Variants in SCAF8 observed in about 807,000 individuals in gnomAD.
SCAF8 encodes the protein SR-related and CTD-associated factor 8.
A neutral mutation model predicts 140.5 loss-of-function variants in SCAF8; 23 were observed. The observed-to-expected ratio is 0.16, with a 90% CI of 0.12 to 0.23. SCAF8 has a LOEUF of 0.23. Among genes scored for constraint, SCAF8 ranks in the 10% least tolerant of loss-of-function variants. SCAF8 has a pLI of 1.00. For synonymous variants in SCAF8, 575 were observed against 528.9 expected, an observed-to-expected ratio of 1.09 and a Z score of -1.20; for missense variants, 1,397 against 1,555.7, an observed-to-expected ratio of 0.90 and a Z score of 1.72.
intron 12 of SCAF8, 29 bp from the exon 13 acceptor site, chr6:154,815,687 T>C: frequency 7.8e-7 from 1 of 1,279,650 alleles, no homozygotes; most frequent in Non-Finnish European, 1.1e-6. Flanking sequence ...CTAAATGATT[T>C]AGGTCATTTG....
chr6:154,741,805 T>C, intron 1 of SCAF8: 1 of 552,586 alleles, frequency 1.8e-6, no homozygotes, highest in Non-Finnish European at 3.3e-6. Context: ...TAAGGCCAGT[T>C]ACGCTGTTTT....
chr6:154,782,165 T>C (rs926831178), intron 3 of SCAF8, among the ~76,000 whole-genome samples: 1 of 152,146 alleles, frequency 6.6e-6, no homozygotes, highest in East Asian at 1.9e-4. Flanking sequence ...GCCTACAGTC[T>C]AGCAGTTTGG....
Position 154,808,671 on chromosome 6 carries a change from C to G in SCAF8, c.1114-15C>G. ...CCAGCCTTTCTGTTTGTTTGCTGTTCTTTTGACTTTCAAGGATATGGATAT... is the reference window on the plus strand; with the variant it reads ...CCAGCCTTTCTGTTTGTTTGCTGTTGTTTTGACTTTCAAGGATATGGATAT... On this transcript the variant is annotated splice_polypyrimidine_tract_variant and intron_variant, in intron 10 of 19. Transcript: ENST00000367178. 1.3e-6 allele frequency: 2 copies of G among 1,517,302 alleles called. No individual in the cohort carries two copies. Among genetic ancestry groups the G allele is most frequent in the South Asian group, 2.2e-5 (2 of 89,070 alleles). The allele number at this position is 1,517,302 out of a possible 1,614,324, so 94.0% of individuals were successfully genotyped here. A position where few individuals can be genotyped will look rare whatever the true frequency, so the allele number is the denominator to read the frequency against.
chr6:154,733,971 G>A (rs1008715165), intron 1 of SCAF8, 41 bp downstream of exon 1: 2 of 1,501,248 alleles, frequency 1.3e-6, no homozygotes, highest in East Asian at 5.4e-5. Context: ...TGCCCGCACC[G>A]CCCCCACCCC....
intron 1 of SCAF8, among the ~76,000 whole-genome samples, chr6:154,773,554 C>A (rs570251331): frequency 6.6e-6 from 1 of 152,168 alleles, no homozygotes; most frequent in South Asian, 2.1e-4. Flanking sequence ...TCTTTTTGAA[C>A]CCTCAGACGG....
chr6:154,793,102 T>A (rs980474320), intron 5 of SCAF8, 126 bp downstream of exon 5: 1 of 551,494 alleles, frequency 1.8e-6, no homozygotes, highest in Non-Finnish European at 2.9e-6. Flanking sequence ...TGAAAGAAAA[T>A]ATTTGTAGAG....
intron 17 of SCAF8, chr6:154,825,194 A>G (rs1778530880): frequency 6.6e-6 from 1 of 152,160 alleles, no homozygotes; most frequent in Non-Finnish European, 1.5e-5. Flanking sequence ...GGAACACTTC[A>G]CAAATTTGTG....
intron 1 of SCAF8, among the ~76,000 whole-genome samples, chr6:154,769,082 A>ATC (rs1562435877): frequency 1.3e-5 from 2 of 150,620 alleles, no homozygotes; most frequent in Non-Finnish European, 3.0e-5. Context: ...AAAAAAAAAA[A>ATC]AAAATCACAT....
At chr6:154,735,935 TC>T (rs1423445720) in intron 1 of SCAF8, among the ~76,000 whole-genome samples, 1 of 151,862 alleles carries the variant, frequency 6.6e-6, no homozygotes, top group Non-Finnish European at 1.5e-5. Flanking sequence ...CAAGGGGTCC[TC>T]CTCTCACCTC....
chr6:154,770,388 A>ACTCTCTCTCTCTCT (rs58596375), intron 1 of SCAF8, among the ~76,000 whole-genome samples: 2 of 141,916 alleles, frequency 1.4e-5, no homozygotes, highest in African/African-American at 5.2e-5. Context: ...ACACACACAC[A>ACTCTCTCTCTCTCT]CTCTCTCTCT....
intron 14 of SCAF8, among the ~76,000 whole-genome samples, chr6:154,819,397 C>G (rs1778349415): frequency 6.6e-6 from 1 of 151,518 alleles, no homozygotes; most frequent in Admixed American, 6.6e-5. Flanking sequence ...TAAGAGCAGC[C>G]TGGACAACAT....
chr6:154,810,051 C>G lies in SCAF8; in HGVS notation c.1263C>G (p.Gly421=), dbSNP rs1289793288. The G allele has an allele frequency of 1.2e-6, 2 of 1,611,582 alleles. No individual in the cohort carries two copies. ...AACGAAGGTCTAGGTCACGGTCTGG[C>G]TCTAGAAAGCGTAAACACAGAAAGC... ...PRKRRSRSRS[G]SRKRKHRKRS... Residue 421 remains glycine, a synonymous_variant, in exon 12 of 20, where the codon GGC becomes GGG. Transcript: ENST00000367178.
chr6:154,797,807 G>A lies in SCAF8; in HGVS notation c.606+2668G>A, dbSNP rs1043430519. 2.0e-5 allele frequency among the ~76,000 whole-genome samples: 3 copies of A among 151,392 alleles called. 1 individual carries two copies. Among genetic ancestry groups the A allele is most frequent in the Admixed American group, 2.0e-4 (3 of 15,208 alleles). On this transcript the variant is annotated intron_variant, in intron 6 of 19. Coordinates refer to ENST00000367178, the MANE Select transcript of SCAF8 (RefSeq NM_014892.5). Reference sequence around the variant, plus strand: ...TTTAGAGTTATTCTCAATGTAACCTGTTATATTTTTCTAACATTTTTCATT... The same window carrying A: ...TTTAGAGTTATTCTCAATGTAACCTATTATATTTTTCTAACATTTTTCATT...
intron 8 of SCAF8, among the ~76,000 whole-genome samples, chr6:154,804,426 T>C (rs1777856438): frequency 6.6e-6 from 1 of 152,340 alleles, no homozygotes; most frequent in African/African-American, 2.4e-5. Flanking sequence ...CTAAACAATG[T>C]AAGAATCTCC....
intron 1 of SCAF8, among the ~76,000 whole-genome samples, chr6:154,759,751 C>T (rs1006801062): frequency 1.8e-4 from 27 of 151,346 alleles, no homozygotes; most frequent in Non-Finnish European, 2.9e-4. Flanking sequence ...CTGCAGGCTC[C>T]GCCTCCCAGG....
At chr6:154,771,425 A>C (rs987390277) in intron 1 of SCAF8, among the ~76,000 whole-genome samples, 1 of 152,210 alleles carries the variant, frequency 6.6e-6, no homozygotes, top group Non-Finnish European at 1.5e-5. Context: ...TGTCTAGAAT[A>C]GAAGGCTGGG....
intron 1 of SCAF8, among the ~76,000 whole-genome samples, chr6:154,764,385 A>C (rs142097942): frequency 6.6e-6 from 1 of 151,532 alleles, no homozygotes; most frequent in African/African-American, 2.4e-5. Context: ...CTGGTAGGTT[A>C]TTTCAATCTC....
At chr6:154,766,735 A>G (rs993809117) in intron 1 of SCAF8, among the ~76,000 whole-genome samples, 6 of 125,288 alleles carry the variant, frequency 4.8e-5, no homozygotes, top group African/African-American at 9.4e-5. Flanking sequence ...TATAAATCCT[A>G]TGAAGTCATG....
intron 1 of SCAF8, among the ~76,000 whole-genome samples, chr6:154,772,366 C>T (rs1776793143): frequency 6.6e-6 from 1 of 152,146 alleles, no homozygotes; most frequent in African/African-American, 2.4e-5. Flanking sequence ...GATTCTTTCC[C>T]TTTGCTTATA....
Sources: gnomAD v4.1 joint callset for allele counts (sites outside exome capture counted in the v4.1 genomes callset) on GRCh38, gnomAD v4.1.1 for gene constraint, MANE v1.5 for transcripts, NCBI Gene and HGNC (gene_info 2026-07-23, HGNC 2026-07-21) for gene names.